ERBB4: variants seen among roughly 807,000 people sequenced by gnomAD.
ERBB4 encodes erb-b2 receptor tyrosine kinase 4, also known as receptor tyrosine-protein kinase erbB-4.
In ERBB4, 42 loss-of-function variants were observed where a neutral mutation model predicts 158.0. The observed-to-expected ratio is 0.27, with a 90% CI of 0.21 to 0.34. The LOEUF (loss-of-function observed/expected upper bound fraction) is 0.34. Among genes scored for constraint, ERBB4 ranks in the 10% least tolerant of loss-of-function variants. The probability of loss-of-function intolerance (pLI) is 1.00; values close to 1 mark genes in which losing one functional copy is unlikely to be tolerated. For missense variants in ERBB4, 1,333 were observed against 1,624.1 expected (o/e 0.82, Z 3.08); for synonymous variants, 583 against 558.7 (o/e 1.04, Z -0.61).
chr2:212,457,965 T>A (rs1560379939), intron 1 of ERBB4, among the ~76,000 whole-genome samples: 1 of 151,988 alleles, frequency 6.6e-6, no homozygotes, highest in African/African-American at 2.4e-5. Flanking sequence ...TTATTCAGAT[T>A]TAATATTATT....
At chr2:211,768,403 G>A (rs1258431657) in intron 4 of ERBB4, among the ~76,000 whole-genome samples, 1 of 152,220 alleles carries the variant, frequency 6.6e-6, no homozygotes, top group African/African-American at 2.4e-5. Context: ...CCTCTAGGCA[G>A]TGCCTCAGTA....
At chr2:212,087,088 T>A (rs761003379) in intron 2 of ERBB4, among the ~76,000 whole-genome samples, 3 of 151,964 alleles carry the variant, frequency 2.0e-5, no homozygotes, top group Non-Finnish European at 4.4e-5. Flanking sequence ...AAAGATCATC[T>A]GTTGATTGTT....
At chr2:211,826,370 A>T (rs76610747) in intron 3 of ERBB4, among the ~76,000 whole-genome samples, 40,852 of 151,636 alleles carry the variant, frequency 0.27, 5,972 homozygotes, top group East Asian at 0.4. Context: ...TTCTATCTCA[A>T]GTAGTAAATG....
At chr2:211,453,076 C>T (rs530363950) in intron 20 of ERBB4, among the ~76,000 whole-genome samples, 56 of 152,196 alleles carry the variant, frequency 3.7e-4, no homozygotes, top group Admixed American at 2.3e-3. Flanking sequence ...GGAGAAAATT[C>T]GAAGCCTAGC....
At chr2:211,902,137 C>T (rs2079252716) in intron 3 of ERBB4, among the ~76,000 whole-genome samples, 1 of 152,004 alleles carries the variant, frequency 6.6e-6, no homozygotes, top group Non-Finnish European at 1.5e-5. Context: ...AATATGTGAT[C>T]TCTTCATTGT....
At chr2:211,711,994 C>T (rs1207493260) in intron 9 of ERBB4, 56 bp downstream of exon 9, 2 of 1,449,068 alleles carry the variant, frequency 1.4e-6, no homozygotes, top group Admixed American at 3.4e-5. Context: ...ACTAAAGAAT[C>T]TCTTCAGTTT....
At chr2:212,349,287 T>TCACACACACACACACACACA (rs3040350) in intron 1 of ERBB4, among the ~76,000 whole-genome samples, 1 of 146,376 alleles carries the variant, frequency 6.8e-6, no homozygotes, top group Non-Finnish European at 1.5e-5. Flanking sequence ...AACTTCTTAA[T>TCACACACACACACACACACA]CACACACACA....
intron 4 of ERBB4, among the ~76,000 whole-genome samples, chr2:211,768,072 A>T (rs904293265): frequency 2.0e-5 from 3 of 152,242 alleles, no homozygotes; most frequent in Non-Finnish European, 4.4e-5. Flanking sequence ...AAATACACTC[A>T]TTCCAAATGG....
intron 1 of ERBB4, among the ~76,000 whole-genome samples, chr2:212,327,130 C>T (rs1219885658): frequency 1.3e-5 from 2 of 150,564 alleles, no homozygotes; most frequent in East Asian, 1.9e-4. Flanking sequence ...TAAATGAGTT[C>T]ATACGTGTGA....
In ERBB4 at chr2:211,622,146, T is replaced by C. The variant is rs1313195854; in HGVS notation, c.2202+1776A>G. 2.0e-5 allele frequency among the ~76,000 whole-genome samples: 3 copies of C among 152,238 alleles called. No homozygotes were observed. The East Asian group carries it at 5.8e-4, about 29-fold the overall frequency. ...ATTTATTATCCACATAATTCGTTGA[T>C]ATTTTATTGTAGAAATGAGTACAGA... On this transcript the variant is annotated intron_variant, in intron 18 of 27. Transcript: ENST00000342788.
intron 25 of ERBB4, among the ~76,000 whole-genome samples, chr2:211,391,584 A>G (rs1166730574): frequency 1.3e-5 from 2 of 152,174 alleles, no homozygotes; most frequent in Admixed American, 6.5e-5. Context: ...TTCTGTGGCC[A>G]TATCGCTGGG....
At chr2:212,128,929 A>G (rs1462215713) in intron 1 of ERBB4, among the ~76,000 whole-genome samples, 1 of 152,124 alleles carries the variant, frequency 6.6e-6, no homozygotes, top group Non-Finnish European at 1.5e-5. Context: ...CCCTTTTGGA[A>G]AAAACCTTAA....
chr2:212,207,152 T>C (rs1160218629), intron 1 of ERBB4, among the ~76,000 whole-genome samples: 1 of 152,132 alleles, frequency 6.6e-6, no homozygotes, highest in African/African-American at 2.4e-5. Context: ...TTTGTTTTTG[T>C]TCAAAGTAAT....
chr2:211,897,056 T>G, intron 3 of ERBB4, among the ~76,000 whole-genome samples: 1 of 149,940 alleles, frequency 6.7e-6, no homozygotes, highest in East Asian at 1.9e-4. Flanking sequence ...ATTATACAAA[T>G]TATTATATAA....
chr2:212,216,484 A>G (rs1395383387), intron 1 of ERBB4, among the ~76,000 whole-genome samples: 39 of 151,286 alleles, frequency 2.6e-4, no homozygotes, highest in Non-Finnish European at 5.9e-5. Context: ...TTGATTTTTT[A>G]TCTTGTAGTT....
At chr2:211,443,350 A>G (rs1334129752) in intron 20 of ERBB4, among the ~76,000 whole-genome samples, 1 of 152,006 alleles carries the variant, frequency 6.6e-6, no homozygotes, top group African/African-American at 2.4e-5. Flanking sequence ...TTTCAGGCTT[A>G]CTTGCATATA....
At chr2:211,774,413 C>T (rs2075821222) in intron 4 of ERBB4, among the ~76,000 whole-genome samples, 1 of 151,974 alleles carries the variant, frequency 6.6e-6, no homozygotes, top group Non-Finnish European at 1.5e-5. Flanking sequence ...TAAGCTAGGG[C>T]CTGTAGGCTT....
At chr2:211,666,244 C>T (rs1278471481) in intron 14 of ERBB4, among the ~76,000 whole-genome samples, 1 of 151,964 alleles carries the variant, frequency 6.6e-6, no homozygotes, top group East Asian at 1.9e-4. Context: ...CATATAAATG[C>T]ACATTTTGAT....
At chr2:212,223,640 C>A (rs2105961329) in intron 1 of ERBB4, among the ~76,000 whole-genome samples, 1 of 151,516 alleles carries the variant, frequency 6.6e-6, no homozygotes, top group African/African-American at 2.4e-5. Flanking sequence ...TTTGTAAATG[C>A]CATAGTTACC....
Sources: allele counts gnomAD v4.1 joint callset (sites outside exome capture counted in the v4.1 genomes callset), GRCh38; gene constraint gnomAD v4.1.1; transcripts MANE v1.5; gene names NCBI Gene and HGNC (gene_info 2026-07-23, HGNC 2026-07-21).